Variants in ANKRD42 observed in about 807,000 individuals in gnomAD.
ANKRD42 encodes the protein ankyrin repeat domain 42, also known as ankyrin repeat domain-containing protein 42.
ANKRD42 carries 43 observed loss-of-function variants against 51.5 expected under a neutral mutation model. That is an observed-to-expected ratio of 0.83 (90% confidence interval 0.65 to 1.08). The LOEUF is 1.08. Among genes scored for constraint, ANKRD42 ranks in the 50% least tolerant of loss-of-function variants. ANKRD42 has a pLI of 0.00. For missense variants in ANKRD42, 608 were observed against 629.3 expected, an observed-to-expected ratio of 0.97 and a Z score of 0.36; for synonymous variants, 203 against 213.0, an observed-to-expected ratio of 0.95 and a Z score of 0.41.
rs138837603 is a variant in ANKRD42, at chr11:83,248,617, T to C, written c.*413T>C. 1.0e-6 allele frequency: 1 copy of C among 986,606 alleles called. No individual in the cohort carries two copies. The highest frequency in any genetic ancestry group is 1.7e-5 in the African/African-American group (1 of 57,396). 61.1% of individuals were successfully genotyped at this position (986,606 alleles called of 1,614,324 possible). ...GAATTAATTCTGTTTGAGGCTTGTGTCACCTCAAATCTGATCTATTAATAT... is the reference window on the plus strand; with the variant it reads ...GAATTAATTCTGTTTGAGGCTTGTGCCACCTCAAATCTGATCTATTAATAT... On this transcript the variant is annotated 3_prime_UTR_variant, in exon 11 of 11. Coordinates refer to ENST00000533342, the MANE Select transcript of ANKRD42 (RefSeq NM_001300975.2).
intron 3 of ANKRD42, 77 bp from the exon 4 acceptor site, chr11:83,210,223 C>G: frequency 6.9e-7 from 1 of 1,442,672 alleles, no homozygotes; most frequent in Non-Finnish European, 9.6e-7. Context: ...AATTGCTTGC[C>G]TTTGTATAAT....
intron 5 of ANKRD42, among the ~76,000 whole-genome samples, chr11:83,220,095 G>T (rs1862670516): frequency 6.6e-6 from 1 of 152,196 alleles, no homozygotes; most frequent in Non-Finnish European, 1.5e-5. Flanking sequence ...TGCAGGGGGA[G>T]CCTCTGGTGG....
At chr11:83,228,768 G>C (rs1862975804) in intron 7 of ANKRD42, among the ~76,000 whole-genome samples, 1 of 152,004 alleles carries the variant, frequency 6.6e-6, no homozygotes, top group Non-Finnish European at 1.5e-5. Context: ...AGAAGAGATG[G>C]GATGCAAAGG....
At position 83,194,342 on chromosome 11, in the gene ANKRD42, G is replaced by C. The variant is rs758214992; in HGVS notation, c.-329G>C. ...CGCCGCTTCAGTGGCTCCTGGGAGG[G>C]AGGGAGTGTCGAAGGCGGCCACAGC... On this transcript the variant is annotated 5_prime_UTR_variant, in exon 1 of 11. Transcript: ENST00000533342. 3.6e-6 allele frequency: 2 copies of C among 560,062 alleles called. No individual in the cohort carries two copies. Among genetic ancestry groups the C allele is most frequent in the African/African-American group, 3.7e-5 (2 of 53,912 alleles). 34.7% of individuals were successfully genotyped at this position (560,062 alleles called of 1,614,324 possible).
intron 6 of ANKRD42, 43 bp downstream of exon 6, chr11:83,225,098 G>A: frequency 6.6e-7 from 1 of 1,514,654 alleles, no homozygotes; most frequent in East Asian, 2.3e-5. Flanking sequence ...ATGTGATGAT[G>A]ATGATGATGA....
At chr11:83,246,034 CAGTGAGCA>C (rs1425452702) in intron 10 of ANKRD42, among the ~76,000 whole-genome samples, 1 of 152,192 alleles carries the variant, frequency 6.6e-6, no homozygotes, top group Non-Finnish European at 1.5e-5. Flanking sequence ...CATCTAGAGG[CAGTGAGCA>C]AGTGCATGGT....
chr11:83,253,250 G>T (rs1241083980), downstream of ANKRD42, among the ~76,000 whole-genome samples: 2 of 152,190 alleles, frequency 1.3e-5, no homozygotes, highest in Non-Finnish European at 2.9e-5. Flanking sequence ...AGTTCTAAAA[G>T]TTTGTGATTT....
chr11:83,196,916 G>T (rs986625655), intron 1 of ANKRD42, among the ~76,000 whole-genome samples: 1 of 152,184 alleles, frequency 6.6e-6, no homozygotes, highest in Non-Finnish European at 1.5e-5. Context: ...TAGAGTAGGG[G>T]CATGAAGTGA....
At chr11:83,259,853 G>C (rs1423660823), downstream of ANKRD42, 1 of 152,226 alleles carries the variant, frequency 6.6e-6, no homozygotes, top group Non-Finnish European at 1.5e-5. Context: ...TTCATCTTAA[G>C]GCCAGTAAGC....
downstream of ANKRD42, among the ~76,000 whole-genome samples, chr11:83,252,815 ATTAAAT>A (rs1373243461): frequency 4.6e-5 from 7 of 151,642 alleles, no homozygotes; most frequent in Admixed American, 1.3e-4. Flanking sequence ...TACTTAAAAC[ATTAAAT>A]TTAAACTAAT....
downstream of ANKRD42, among the ~76,000 whole-genome samples, chr11:83,258,008 C>T (rs989567691): frequency 9.9e-5 from 15 of 152,146 alleles, no homozygotes; most frequent in African/African-American, 3.6e-4. Flanking sequence ...TACGTAAAAC[C>T]TTAGGGTCAT....
At chr11:83,203,247 G>A (rs1174242918) in intron 2 of ANKRD42, among the ~76,000 whole-genome samples, 1 of 151,878 alleles carries the variant, frequency 6.6e-6, no homozygotes, top group Non-Finnish European at 1.5e-5. Context: ...CACTTGTCTT[G>A]GCCTCCCAAT....
Position 83,193,925 on chromosome 11 carries a change from G to C in ANKRD42, c.-746G>C, listed in dbSNP as rs1216260243. 4.4e-6 allele frequency: 2 copies of C among 455,824 alleles called. No individual in the cohort carries two copies. The highest frequency in any genetic ancestry group is 8.8e-6 in the Non-Finnish European group (2 of 226,280). The allele number at this position is 455,824 out of a possible 1,614,324, so 28.2% of individuals were successfully genotyped here. A position where few individuals can be genotyped will look rare whatever the true frequency, so the allele number is the denominator to read the frequency against. ...CATTCCGGCGCCGAGTCTAGGGAAA[G>C]AGTTAGCGACGACGGGGAAAGAAAA... On this transcript the variant is annotated 5_prime_UTR_variant, in exon 1 of 11. Coordinates refer to ENST00000533342, the MANE Select transcript of ANKRD42 (RefSeq NM_001300975.2).
At chr11:83,213,901 T>A (rs1032387040) in intron 5 of ANKRD42, 2 of 153,786 alleles carry the variant, frequency 1.3e-5, no homozygotes, top group African/African-American at 4.8e-5. Context: ...TAATTATTTT[T>A]TTTTTTTGAA....
At chr11:83,245,381 T>C in intron 9 of ANKRD42, 117 bp from the exon 10 acceptor site, 2 of 1,121,726 alleles carry the variant, frequency 1.8e-6, no homozygotes, top group South Asian at 1.8e-5. Context: ...TCCACCCCCC[T>C]CTCCAAACCA....
At chr11:83,254,435 C>CTT (rs1296141872) in intron 11 of ANKRD42, among the ~76,000 whole-genome samples, 2 of 136,300 alleles carry the variant, frequency 1.5e-5, no homozygotes, top group African/African-American at 5.7e-5. Context: ...TTTTTCTTTT[C>CTT]TTTTTTTTTT....
chr11:83,217,564 C>G (rs145481866), intron 5 of ANKRD42, among the ~76,000 whole-genome samples: 226 of 152,322 alleles, frequency 1.5e-3, no homozygotes, highest in Middle Eastern at 3.4e-3. Context: ...AGTCCACTTC[C>G]TGGCCCTCAG....
In ANKRD42 at chr11:83,255,899, G is replaced by T. The variant is rs993188242; in HGVS notation, c.1519G>T (p.Val507Phe). ...AGAGAAGAGGCGAGTAAAAAAAAAG[G>T]TTTCTTCTGGAGGGGTGTTTGTGAG... The change falls in exon 12 of 12, where the codon GTT (valine) becomes TTT (phenylalanine). Residue 507 changes from valine to phenylalanine, a missense_variant. Coordinates refer to the ANKRD42 transcript ENST00000260047. The T allele has an allele frequency of 2.6e-6, 4 of 1,534,488 alleles. No homozygotes were observed. In the African/African-American group the frequency reaches 4.1e-5, roughly 16 times the overall value.
chr11:83,251,611 C>T (rs1863676612), downstream of ANKRD42, among the ~76,000 whole-genome samples: 1 of 152,158 alleles, frequency 6.6e-6, no homozygotes, highest in African/African-American at 2.4e-5. Context: ...CTTGTTACTG[C>T]TATTATAAAC....
Sources: gnomAD v4.1 joint callset for allele counts (sites outside exome capture counted in the v4.1 genomes callset) on GRCh38, gnomAD v4.1.1 for gene constraint, MANE v1.5 for transcripts, NCBI Gene and HGNC (gene_info 2026-07-23, HGNC 2026-07-21) for gene names.